Variants in PVALEF observed in about 807,000 individuals in gnomAD.
PVALEF encodes parvalbumin-like EF-hand-containing protein.
A neutral mutation model predicts 1.2 loss-of-function variants in PVALEF; 2 were observed. That is an observed-to-expected ratio of 1.68 (90% CI 0.69 to 5.28). PVALEF has a LOEUF of 5.28. PVALEF is among the 30% of genes most tolerant of loss of function. The pLI is 0.06. For synonymous variants in PVALEF, 16 were observed against 6.5 expected (o/e 2.47, Z -2.24); for missense variants, 35 against 17.7 (o/e 1.97, Z -1.75).
At chr17:81,165,867 T>C (rs1748679326) in intron 1 of PVALEF, 120 bp downstream of exon 1, 1 of 1,535,350 alleles carries the variant, frequency 6.5e-7, no homozygotes, top group African/African-American at 1.4e-5. Context: ...CCGGGAGCCG[T>C]GGGGCCCAGG....
At chr17:81,167,957 T>C (rs1485804957) in intron 2 of PVALEF, among the ~76,000 whole-genome samples, 2 of 152,168 alleles carry the variant, frequency 1.3e-5, no homozygotes, top group Admixed American at 6.5e-5. Flanking sequence ...GCAGGGATGG[T>C]TGGTGCCAGC....
At chr17:81,174,495 T>C (rs894269961) in intron 2 of PVALEF, among the ~76,000 whole-genome samples, 1 of 151,790 alleles carries the variant, frequency 6.6e-6, no homozygotes, top group Non-Finnish European at 1.5e-5. Context: ...CCGGGTGTGA[T>C]GGCACGCGCC....
intron 1 of PVALEF, 99 bp downstream of exon 1, chr17:81,165,846 T>G (rs1441902580): frequency 4.6e-6 from 7 of 1,522,790 alleles, no homozygotes; most frequent in African/African-American, 1.4e-5. Flanking sequence ...AAGGGTTAAT[T>G]TCCATGCAAA....
intron 2 of PVALEF, among the ~76,000 whole-genome samples, chr17:81,168,135 G>T (rs540805416): frequency 6.6e-6 from 1 of 152,218 alleles, no homozygotes; most frequent in African/African-American, 2.4e-5. Context: ...TAGGCAGGGG[G>T]AGGTGGCCAG....
intron 2 of PVALEF, among the ~76,000 whole-genome samples, chr17:81,172,396 CTTGGA>C (rs2061523619): frequency 6.6e-6 from 1 of 152,192 alleles, no homozygotes; most frequent in African/African-American, 2.4e-5. Context: ...GGAGGGGCTT[CTTGGA>C]CAAAAACACT....
intron 5 of PVALEF, 107 bp from the exon 6 acceptor site, chr17:81,181,859 C>G: frequency 2.5e-6 from 1 of 398,042 alleles, no homozygotes; most frequent in Non-Finnish European, 4.4e-6. Context: ...GGCCCAGGCT[C>G]CCGGCCCGAA....
At chr17:81,165,923 C>G (rs1460092460) in intron 1 of PVALEF, 176 bp downstream of exon 1, 2 of 1,572,898 alleles carry the variant, frequency 1.3e-6, no homozygotes, top group African/African-American at 1.4e-5. Flanking sequence ...GCAGGCCGGG[C>G]CGCCAGGGAC....
In PVALEF at chr17:81,165,699, C is replaced by T; in HGVS notation, c.-556C>T. ...CCAGTTACCTGTGCCCTGGAGGCAGCCACGGAGTCACGACCACGCGGGGGA... is the reference window on the plus strand; with the variant it reads ...CCAGTTACCTGTGCCCTGGAGGCAGTCACGGAGTCACGACCACGCGGGGGA... On this transcript the variant is annotated 5_prime_UTR_variant, in exon 1 of 7. Transcript: ENST00000637878. 1 of 1,516,094 alleles carries T rather than the reference C, an allele frequency of 6.6e-7. No individual in the cohort carries two copies. The highest frequency in any genetic ancestry group is 8.8e-7 in the Non-Finnish European group (1 of 1,134,026). 93.9% of individuals were successfully genotyped at this position (1,516,094 alleles called of 1,614,324 possible).
At chr17:81,181,805 G>A (rs1001715858) in intron 5 of PVALEF, 111 bp downstream of exon 5, 3 of 398,082 alleles carry the variant, frequency 7.5e-6, no homozygotes, top group African/African-American at 6.2e-5. Flanking sequence ...CCTTGCAGCT[G>A]GCAGGGCTGG....
rs548022792 is a variant in PVALEF at position 81,180,900 on chromosome 17, C to T, written c.-104-223C>T. On this transcript the variant is annotated intron_variant, in intron 3 of 6. Coordinates refer to ENST00000637878, the MANE Select transcript of PVALEF (RefSeq NM_001354639.2). Reference sequence around the variant, plus strand: ...CGCTTCCCCTTGCGCTCTGAGATAGCTGCTGTGCTGAGCCCCAGAACCCAA... The same window carrying T: ...CGCTTCCCCTTGCGCTCTGAGATAGTTGCTGTGCTGAGCCCCAGAACCCAA... Among the ~76,000 whole-genome samples, 179 of 152,318 alleles carry T rather than the reference C, an allele frequency of 1.2e-3. 1 individual carries two copies. In the Middle Eastern group the frequency reaches 0.017, roughly 14 times the overall value.
intron 2 of PVALEF, among the ~76,000 whole-genome samples, chr17:81,176,286 A>T (rs1006623590): frequency 2.6e-5 from 4 of 152,184 alleles, no homozygotes; most frequent in Non-Finnish European, 5.9e-5. Flanking sequence ...TGGGAGGCCA[A>T]ACTGGGCGGA....
At chr17:81,178,754 C>A (rs557177880) in intron 2 of PVALEF, among the ~76,000 whole-genome samples, 164 bp from the exon 3 acceptor site, 116 of 152,254 alleles carry the variant, frequency 7.6e-4, no homozygotes, top group Non-Finnish European at 1.3e-3. Context: ...CTGTGTACAA[C>A]CCGCTGCACT....
chr17:81,169,902 A>G (rs189829091), intron 2 of PVALEF, among the ~76,000 whole-genome samples: 1 of 150,446 alleles, frequency 6.6e-6, no homozygotes, highest in African/African-American at 2.4e-5. Flanking sequence ...GCATAGAGGT[A>G]GGTGTGTATC....
At chr17:81,177,730 G>A (rs973452057) in intron 2 of PVALEF, among the ~76,000 whole-genome samples, 27 of 152,152 alleles carry the variant, frequency 1.8e-4, no homozygotes, top group African/African-American at 5.6e-4. Context: ...TACCTCCACC[G>A]TGTTCATCTA....
Position 81,165,945 on chromosome 17 carries a change from G to A in PVALEF, c.-508+198G>A, listed in dbSNP as rs573922340. 2.7e-5 allele frequency: 42 copies of A among 1,582,752 alleles called. 1 individual carries two copies. The South Asian group carries it at 4.6e-4, about 17-fold the overall frequency. On this transcript the variant is annotated intron_variant, in intron 1 of 6. Transcript: ENST00000637878. ...GGGCCGCCAGGGACTCACCGGGGTC[G>A]AAGTGCGAGCTGAAGGCGAAGCTGG...
Position 81,165,509 on chromosome 17 carries a change from A to C in PVALEF, c.-746A>C. On this transcript the variant is annotated 5_prime_UTR_variant, in exon 1 of 7. Coordinates refer to ENST00000637878, the MANE Select transcript of PVALEF (RefSeq NM_001354639.2). Reference sequence around the variant, plus strand: ...CTGGTGGCTGGGCAGGGCTCTGAGAATCGCTCCCAGCCTGGGAAGAAGCCT... The same window carrying C: ...CTGGTGGCTGGGCAGGGCTCTGAGACTCGCTCCCAGCCTGGGAAGAAGCCT... 1 of 626,510 alleles carries C rather than the reference A, an allele frequency of 1.6e-6. No homozygotes were observed. Among genetic ancestry groups the C allele is most frequent in the Non-Finnish European group, 2.5e-6 (1 of 407,116 alleles). The allele number at this position is 626,510 out of a possible 1,614,324, so 38.8% of individuals were successfully genotyped here. A position where few individuals can be genotyped will look rare whatever the true frequency, so the allele number is the denominator to read the frequency against.
intron 2 of PVALEF, among the ~76,000 whole-genome samples, chr17:81,173,580 A>C (rs1463700483): frequency 6.6e-6 from 1 of 152,240 alleles, no homozygotes; most frequent in Non-Finnish European, 1.5e-5. Context: ...GACACATTCC[A>C]AGAAACACAC....
rs566474649 is a variant in PVALEF, at chr17:81,165,884, A to ACGTC, written c.-508+140_-508+143dup. 346 of 1,549,336 alleles carry ACGTC rather than the reference A, an allele frequency of 2.2e-4. 1 individual carries two copies. In the African/African-American group the frequency reaches 4.1e-3, roughly 18 times the overall value. ...GGGAGCCGTGGGGCCCAGGGGCATC[A>ACGTC]CGTCCGCAGCGGAGGGAGGCAGCGG... is the stretch of plus-strand genomic sequence containing the variant. On this transcript the variant is annotated intron_variant, in intron 1 of 6. Transcript: ENST00000637878.
intron 5 of PVALEF, 125 bp downstream of exon 5, chr17:81,181,819 A>G (rs2061555229): frequency 2.5e-6 from 1 of 397,938 alleles, no homozygotes; most frequent in Admixed American, 4.4e-5. Context: ...GGGCTGGGCC[A>G]GAACCAGCTA....
Sources: allele counts gnomAD v4.1 joint callset (sites outside exome capture counted in the v4.1 genomes callset), GRCh38; gene constraint gnomAD v4.1.1; transcripts MANE v1.5; gene names NCBI Gene and HGNC (gene_info 2026-07-23, HGNC 2026-07-21).